Variants in DOCK5 observed in about 807,000 individuals in gnomAD.
The protein encoded by DOCK5 is dedicator of cytokinesis protein 5.
A neutral mutation model predicts 251.8 loss-of-function variants in DOCK5; 142 were observed. The observed-to-expected ratio is 0.56, with a 90% CI of 0.49 to 0.65. DOCK5 has a LOEUF of 0.65. DOCK5 is among the 30% of genes least tolerant of loss of function. The pLI is 0.00. For missense variants in DOCK5, 2,111 were observed against 2,312.3 expected (o/e 0.91, Z 1.79); for synonymous variants, 842 against 835.5 (o/e 1.01, Z -0.13).
chr8:25,281,227 A>T (rs1387661610), intron 5 of DOCK5, among the ~76,000 whole-genome samples: 1 of 150,794 alleles, frequency 6.6e-6, no homozygotes, highest in East Asian at 2.0e-4. Flanking sequence ...ACGAGTTCAA[A>T]ACCAGCCCGT....
rs553430702 is a variant in DOCK5 at position 25,300,090 on chromosome 8, G to A, written c.765-486G>A. Reference sequence around the variant, plus strand: ...CCAACCAATTTTTGTATTTTTAGTAGAGATGGAGTTTTACCATGTTGGCCA... The same window carrying A: ...CCAACCAATTTTTGTATTTTTAGTAAAGATGGAGTTTTACCATGTTGGCCA... On this transcript the variant is annotated intron_variant, in intron 8 of 51. Transcript: ENST00000276440. Among the ~76,000 whole-genome samples the A allele has an allele frequency of 4.2e-3, 645 of 152,234 alleles. 5 individuals carry two copies. Among genetic ancestry groups the A allele is most frequent in the African/African-American group, 0.015 (611 of 41,552 alleles).
chr8:25,382,476 C>T (rs1389713128), intron 39 of DOCK5, among the ~76,000 whole-genome samples, 198 bp from the exon 40 acceptor site: 5 of 152,200 alleles, frequency 3.3e-5, no homozygotes. Context: ...TCACAGCCTT[C>T]CAACGTCCAT....
At chr8:25,198,889 G>T (rs1048596993) in intron 1 of DOCK5, among the ~76,000 whole-genome samples, 5 of 152,196 alleles carry the variant, frequency 3.3e-5, no homozygotes, top group Non-Finnish European at 7.3e-5. Flanking sequence ...ATCCAAAGGG[G>T]AAGATGCCTG....
intron 2 of DOCK5, among the ~76,000 whole-genome samples, chr8:25,263,828 G>T (rs1223316447): frequency 6.6e-6 from 1 of 151,826 alleles, no homozygotes; most frequent in Non-Finnish European, 1.5e-5. Flanking sequence ...AGGTCACTCT[G>T]CTCCACCCCA....
chr8:25,206,566 G>A (rs1218089671), intron 1 of DOCK5, among the ~76,000 whole-genome samples: 1 of 152,104 alleles, frequency 6.6e-6, no homozygotes, highest in African/African-American at 2.4e-5. Flanking sequence ...GTTCCTACAT[G>A]ACAAATAGTT....
At chr8:25,378,588 G>A (rs1801004182) in intron 38 of DOCK5, among the ~76,000 whole-genome samples, 1 of 152,216 alleles carries the variant, frequency 6.6e-6, no homozygotes, top group South Asian at 2.1e-4. Flanking sequence ...GCTGCAAGTT[G>A]AATAGTATCC....
At chr8:25,278,515 TA>T in intron 4 of DOCK5, 53 bp from the exon 5 acceptor site, 1 of 1,556,688 alleles carries the variant, frequency 6.4e-7, no homozygotes, top group African/African-American at 1.4e-5. Context: ...CCCCATCAAG[TA>T]AAGCAGTGCT....
At chr8:25,265,055 TATA>T (rs1315763769) in intron 2 of DOCK5, among the ~76,000 whole-genome samples, 2 of 151,806 alleles carry the variant, frequency 1.3e-5, no homozygotes, top group Non-Finnish European at 2.9e-5. Flanking sequence ...CTCCATGGCA[TATA>T]ATACCTGTGT....
chr8:25,226,590 GT>G (rs574512849), intron 1 of DOCK5, among the ~76,000 whole-genome samples: 2,925 of 142,670 alleles, frequency 0.021, 40 homozygotes, highest in Middle Eastern at 0.039. Flanking sequence ...TTAATTTTAA[GT>G]TTTTTTTTTT....
Position 25,411,424 on chromosome 8 carries a change from A to C in DOCK5, c.*126A>C, listed in dbSNP as rs1297242665. The C allele has an allele frequency of 7.9e-7, 1 of 1,263,360 alleles. No individual in the cohort carries two copies. The highest frequency in any genetic ancestry group is 1.6e-5 in the African/African-American group (1 of 63,912). The allele number at this position is 1,263,360 out of a possible 1,614,324, so 78.3% of individuals were successfully genotyped here. ...CATTTCCTGATCTGGGATGATGTTT[A>C]CCAGCCCAAAACCAGTCATGTTCTT... On this transcript the variant is annotated 3_prime_UTR_variant, in exon 52 of 52. Coordinates refer to ENST00000276440, the MANE Select transcript of DOCK5 (RefSeq NM_024940.8).
chr8:25,296,788 A>G lies in DOCK5; in HGVS notation c.606+140A>G. On this transcript the variant is annotated intron_variant, in intron 7 of 51. Coordinates refer to ENST00000276440, the MANE Select transcript of DOCK5 (RefSeq NM_024940.8). The stretch of plus-strand genomic sequence containing the variant: ...ATTTTAAAAGTGAAACATAGCAGAA[A>G]GGATGAGGCAGGTATATATATATAT... The G allele has an allele frequency of 3.1e-6, 3 of 974,222 alleles. No individual in the cohort carries two copies. The South Asian group carries it at 5.1e-5, about 16-fold the overall frequency. 60.3% of individuals were successfully genotyped at this position (974,222 alleles called of 1,614,324 possible). A position where few individuals can be genotyped will look rare whatever the true frequency, so the allele number is the denominator to read the frequency against.
chr8:25,188,536 C>T (rs879312515), intron 1 of DOCK5, among the ~76,000 whole-genome samples: 4 of 152,208 alleles, frequency 2.6e-5, no homozygotes, highest in Non-Finnish European at 4.4e-5. Context: ...TCGCTACTGT[C>T]ATATTTTATC....
intron 47 of DOCK5, among the ~76,000 whole-genome samples, chr8:25,401,724 A>G (rs983658082): frequency 3.3e-5 from 5 of 152,150 alleles, no homozygotes; most frequent in Admixed American, 1.3e-4. Flanking sequence ...ACAGAGCGAG[A>G]CTCTATCTCA....
intron 21 of DOCK5, 129 bp from the exon 22 acceptor site, chr8:25,336,110 T>C (rs1805798090): frequency 9.8e-7 from 1 of 1,019,270 alleles, no homozygotes; most frequent in South Asian, 1.9e-5. Flanking sequence ...GTTCAGGGCA[T>C]ATTCTAGAAG....
chr8:25,218,322 C>G (rs1802301626), intron 1 of DOCK5, among the ~76,000 whole-genome samples: 1 of 152,206 alleles, frequency 6.6e-6, no homozygotes, highest in African/African-American at 2.4e-5. Flanking sequence ...CACACAGGCT[C>G]TGATTATCAT....
At chr8:25,255,517 G>A (rs1292472206) in intron 2 of DOCK5, among the ~76,000 whole-genome samples, 1 of 152,192 alleles carries the variant, frequency 6.6e-6, no homozygotes, top group East Asian at 1.9e-4. Context: ...GGTTGCCAGG[G>A]GTTAGAGGGA....
chr8:25,349,458 T>C (rs1307029628), intron 26 of DOCK5, among the ~76,000 whole-genome samples: 4 of 152,206 alleles, frequency 2.6e-5, no homozygotes, highest in African/African-American at 9.6e-5. Context: ...ATGAAAAAGA[T>C]ACATGCACGT....
chr8:25,302,486 T>C (rs762327560), intron 10 of DOCK5, 32 bp downstream of exon 10: 10 of 1,522,010 alleles, frequency 6.6e-6, no homozygotes, highest in Non-Finnish European at 7.9e-6. Flanking sequence ...AAATGTGAAA[T>C]AGTGCAGTGC....
chr8:25,275,338 T>C, intron 3 of DOCK5, 48 bp from the exon 4 acceptor site: 1 of 1,510,332 alleles, frequency 6.6e-7, no homozygotes, highest in Non-Finnish European at 9.0e-7. Context: ...TTTGTTTGGT[T>C]TTTGTTTTGT....
Sources: gnomAD v4.1 joint callset for allele counts (sites outside exome capture counted in the v4.1 genomes callset) on GRCh38, gnomAD v4.1.1 for gene constraint, MANE v1.5 for transcripts, NCBI Gene and HGNC (gene_info 2026-07-23, HGNC 2026-07-21) for gene names.